Variants in DSCAM observed in about 807,000 individuals in gnomAD.
DSCAM encodes DS cell adhesion molecule.
In DSCAM, 47 loss-of-function variants were observed where a neutral mutation model predicts 217.7. That is an observed-to-expected ratio of 0.22 (90% CI 0.17 to 0.28). DSCAM has a LOEUF of 0.28. Ranked by LOEUF, DSCAM falls within the 10% of genes least tolerant of loss-of-function variation. The pLI is 1.00. For missense variants in DSCAM, 2,080 were observed against 2,618.3 expected, an observed-to-expected ratio of 0.79 and a Z score of 4.49; for synonymous variants, 1,056 against 1,015.3, an observed-to-expected ratio of 1.04 and a Z score of -0.76.
At chr21:40,147,397 C>T (rs1057406822) in intron 16 of DSCAM, among the ~76,000 whole-genome samples, 2 of 152,232 alleles carry the variant, frequency 1.3e-5, no homozygotes, top group African/African-American at 4.8e-5. Context: ...GAAAACCCAT[C>T]CTAACTAGCT....
intron 3 of DSCAM, among the ~76,000 whole-genome samples, chr21:40,452,237 TACACACAC>T (rs71186937): frequency 4.2e-5 from 6 of 144,368 alleles, no homozygotes; most frequent in African/African-American, 7.8e-5. Context: ...TACACTATAT[TACACACAC>T]ACACACACAC....
intron 3 of DSCAM, among the ~76,000 whole-genome samples, chr21:40,461,256 G>A (rs1459781692): frequency 6.6e-6 from 1 of 152,208 alleles, no homozygotes. Flanking sequence ...ACTGGTGTTT[G>A]CCTATGAAAT....
intron 10 of DSCAM, among the ~76,000 whole-genome samples, chr21:40,280,618 A>T (rs1284392535): frequency 6.6e-6 from 1 of 152,216 alleles, no homozygotes; most frequent in Non-Finnish European, 1.5e-5. Context: ...GGGAATCTGA[A>T]TTTTTTGTCA....
intron 11 of DSCAM, among the ~76,000 whole-genome samples, chr21:40,206,841 G>A (rs1183673066): frequency 7.9e-5 from 12 of 152,176 alleles, no homozygotes; most frequent in Non-Finnish European, 1.8e-4. Context: ...GGCCCAACAG[G>A]TCAAGGCTGC....
chr21:40,078,601 AGAT>A, intron 26 of DSCAM, 83 bp downstream of exon 26: 6 of 1,526,512 alleles, frequency 3.9e-6, no homozygotes, highest in Non-Finnish European at 5.3e-6. Flanking sequence ...ACTATGGCAA[AGAT>A]GATGTTCGAT....
At chr21:40,416,575 G>C (rs1038613225) in intron 3 of DSCAM, among the ~76,000 whole-genome samples, 31 of 151,978 alleles carry the variant, frequency 2.0e-4, no homozygotes, top group Non-Finnish European at 1.2e-4. Context: ...CAAAGCAAGA[G>C]CAAAATGAAA....
At chr21:40,421,764 T>C (rs1224359721) in intron 3 of DSCAM, among the ~76,000 whole-genome samples, 2 of 152,234 alleles carry the variant, frequency 1.3e-5, no homozygotes, top group South Asian at 4.1e-4. Context: ...AAAAAGTACT[T>C]GGATTTTAAG....
intron 3 of DSCAM, among the ~76,000 whole-genome samples, chr21:40,602,589 A>G (rs774674126): frequency 1.3e-5 from 2 of 152,170 alleles, no homozygotes; most frequent in Non-Finnish European, 2.9e-5. Flanking sequence ...ATTTCATCCA[A>G]GTATTCAAAT....
At chr21:40,315,039 C>T (rs1296002083) in intron 8 of DSCAM, among the ~76,000 whole-genome samples, 5 of 152,088 alleles carry the variant, frequency 3.3e-5, no homozygotes, top group Non-Finnish European at 2.9e-5. Context: ...AGAAGGAATA[C>T]GTGAGGATTT....
rs11702788 is a variant in DSCAM, at chr21:40,637,126, T to A, written c.508+55684A>T. Among the ~76,000 whole-genome samples, 3 of 79,602 alleles carry A rather than the reference T, an allele frequency of 3.8e-5. 1 individual carries two copies. The highest frequency in any genetic ancestry group is 1.6e-4 in the African/African-American group (3 of 19,014). The allele number at this position is 79,602 out of a possible 152,430, so 52.2% of individuals were successfully genotyped here. The stretch of plus-strand genomic sequence containing the variant: ...TCTCATTCATATATATATATATATA[T>A]ATAAATATATAAATATATATATAAA... On this transcript the variant is annotated intron_variant, in intron 3 of 32. Coordinates refer to ENST00000400454, the MANE Select transcript of DSCAM (RefSeq NM_001389.5).
chr21:40,812,021 G>A (rs902784970), intron 1 of DSCAM, among the ~76,000 whole-genome samples: 1 of 152,214 alleles, frequency 6.6e-6, no homozygotes, highest in African/African-American at 2.4e-5. Flanking sequence ...GAGAGTAGAA[G>A]AGTTAGCTTA....
intron 3 of DSCAM, among the ~76,000 whole-genome samples, chr21:40,377,550 C>G (rs1191660564): frequency 1.3e-5 from 2 of 152,020 alleles, no homozygotes; most frequent in South Asian, 2.1e-4. Flanking sequence ...AGGGGAGATT[C>G]TGTTTCAGAA....
chr21:40,777,446 C>T (rs1213366361), intron 1 of DSCAM, among the ~76,000 whole-genome samples: 2 of 152,280 alleles, frequency 1.3e-5, no homozygotes, highest in East Asian at 1.9e-4. Flanking sequence ...TGGAAATCAA[C>T]AGCCATCAGA....
chr21:40,422,829 T>C (rs1327201728), intron 3 of DSCAM, among the ~76,000 whole-genome samples: 2 of 152,244 alleles, frequency 1.3e-5, no homozygotes, highest in African/African-American at 4.8e-5. Flanking sequence ...CAGAAAATCA[T>C]ACATTCAAAT....
intron 3 of DSCAM, among the ~76,000 whole-genome samples, chr21:40,473,240 C>A (rs2075904407): frequency 6.6e-6 from 1 of 152,162 alleles, no homozygotes; most frequent in African/African-American, 2.4e-5. Flanking sequence ...GCTGCAGGCA[C>A]AAAGAGTGGC....
intron 19 of DSCAM, among the ~76,000 whole-genome samples, chr21:40,129,550 GA>G (rs1303675785): frequency 6.6e-6 from 1 of 152,204 alleles, no homozygotes; most frequent in Non-Finnish European, 1.5e-5. Flanking sequence ...TTTGAGGTAA[GA>G]ACCTAGTTTG....
rs974478275 is a variant in DSCAM at position 40,473,871 on chromosome 21, C to T, written c.509-104626G>A. Among the ~76,000 whole-genome samples, 6 of 151,836 alleles carry T rather than the reference C, an allele frequency of 4.0e-5. No individual in the cohort carries two copies. The South Asian group carries it at 1.2e-3, about 31-fold the overall frequency. Reference sequence around the variant, plus strand: ...ATCTACAGTGTTGGAAGGAACCACCCTGCTGATAGCTTCGTCTTGGACTTA... The same window carrying T: ...ATCTACAGTGTTGGAAGGAACCACCTTGCTGATAGCTTCGTCTTGGACTTA... On this transcript the variant is annotated intron_variant, in intron 3 of 32. Transcript: ENST00000400454.
At chr21:40,199,332 T>A (rs1222942865) in intron 11 of DSCAM, among the ~76,000 whole-genome samples, 1 of 152,214 alleles carries the variant, frequency 6.6e-6, no homozygotes, top group African/African-American at 2.4e-5. Context: ...AAGATCTCAT[T>A]CTTTTTTATG....
At chr21:40,050,108 C>T (rs746263212) in intron 30 of DSCAM, among the ~76,000 whole-genome samples, 2 of 152,170 alleles carry the variant, frequency 1.3e-5, no homozygotes, top group Non-Finnish European at 1.5e-5. Flanking sequence ...GGGGTCCAAA[C>T]GGCCAGCATC....
Sources: gnomAD v4.1 joint callset for allele counts (sites outside exome capture counted in the v4.1 genomes callset) on GRCh38, gnomAD v4.1.1 for gene constraint, MANE v1.5 for transcripts, NCBI Gene and HGNC (gene_info 2026-07-23, HGNC 2026-07-21) for gene names.